MEF2C: variants seen among roughly 807,000 people sequenced by gnomAD.
MEF2C encodes the protein myocyte enhancer factor 2C, also known as myocyte-specific enhancer factor 2C.
Under a neutral mutation model 50.5 loss-of-function variants are expected in MEF2C, and 6 were observed. The ratio of observed to expected loss-of-function variants is 0.12; its 90% CI spans 0.07 to 0.23. The LOEUF (loss-of-function observed/expected upper bound fraction) is 0.23. Ranked by LOEUF, MEF2C falls within the 10% of genes least tolerant of loss-of-function variation. The probability of loss-of-function intolerance (pLI) is 1.00; values close to 1 mark genes in which losing one functional copy is unlikely to be tolerated. For synonymous variants in MEF2C, 183 were observed against 228.0 expected, an observed-to-expected ratio of 0.80 and a Z score of 1.78; for missense variants, 276 against 605.0, an observed-to-expected ratio of 0.46 and a Z score of 5.70.
intron 4 of MEF2C, among the ~76,000 whole-genome samples, chr5:88,756,721 T>G (rs1468337554): frequency 6.6e-6 from 1 of 152,184 alleles, no homozygotes; most frequent in African/African-American, 2.4e-5. Context: ...TTCTAAGAAA[T>G]TGGCATTATT....
chr5:88,728,988 A>G (rs1317559871), intron 9 of MEF2C, among the ~76,000 whole-genome samples: 3 of 152,166 alleles, frequency 2.0e-5, no homozygotes. Flanking sequence ...AATTTTCTTG[A>G]AAGTGTGTTT....
intron 6 of MEF2C, chr5:88,743,230 G>A: frequency 1.0e-6 from 1 of 982,940 alleles, no homozygotes; most frequent in Non-Finnish European, 1.2e-6. Flanking sequence ...CTTGAATATT[G>A]CAATCTTAAG....
chr5:88,740,072 AT>A (rs1489003450), intron 6 of MEF2C: 1 of 985,220 alleles, frequency 1.0e-6, no homozygotes, highest in African/African-American at 1.7e-5. Context: ...GCCAAGAACT[AT>A]TCTTGGCCAT....
intron 3 of MEF2C, among the ~76,000 whole-genome samples, chr5:88,773,574 G>A (rs531979090): frequency 5.3e-5 from 8 of 152,140 alleles, no homozygotes. Context: ...GTCTCCTGAC[G>A]ACTTTCCATC....
chr5:88,752,087 A>G (rs1427691310), intron 4 of MEF2C, 44 bp from the exon 5 acceptor site: 2 of 1,525,764 alleles, frequency 1.3e-6, no homozygotes, highest in Non-Finnish European at 8.8e-7. Flanking sequence ...AAAAGAATTA[A>G]TAACAGAAGC....
At chr5:88,856,884 T>G (rs1211600426) in intron 1 of MEF2C, among the ~76,000 whole-genome samples, 1 of 152,216 alleles carries the variant, frequency 6.6e-6, no homozygotes, top group Non-Finnish European at 1.5e-5. Flanking sequence ...GGGAAATATG[T>G]GGTCAGAGCC....
At chr5:88,818,263 G>T (rs1806492824) in intron 2 of MEF2C, among the ~76,000 whole-genome samples, 1 of 151,826 alleles carries the variant, frequency 6.6e-6, no homozygotes, top group Admixed American at 6.6e-5. Flanking sequence ...AATGAAACAA[G>T]CACCCCCAAA....
chr5:88,799,114 C>CG (rs548437221), intron 3 of MEF2C, among the ~76,000 whole-genome samples: 197 of 152,296 alleles, frequency 1.3e-3, no homozygotes, highest in African/African-American at 4.6e-3. Context: ...TCAGGAGGCA[C>CG]GGGGGGTCAG....
chr5:88,778,892 C>A (rs1215508953), intron 3 of MEF2C, among the ~76,000 whole-genome samples: 1 of 152,166 alleles, frequency 6.6e-6, no homozygotes, highest in Non-Finnish European at 1.5e-5. Flanking sequence ...TTGGTAGAAG[C>A]CTGGGGTAGG....
intron 3 of MEF2C, among the ~76,000 whole-genome samples, chr5:88,804,004 T>C (rs1156830615): frequency 6.6e-6 from 1 of 152,202 alleles, no homozygotes; most frequent in Non-Finnish European, 1.5e-5. Context: ...TGATTTCTGA[T>C]TCCATGTATA....
chr5:88,778,133 C>A (rs1785824151), intron 3 of MEF2C, among the ~76,000 whole-genome samples: 1 of 151,904 alleles, frequency 6.6e-6, no homozygotes, highest in Admixed American at 6.6e-5. Context: ...TGGTCTCGAT[C>A]TCTTGACCTT....
At chr5:88,852,686 C>T (rs1231987831) in intron 1 of MEF2C, among the ~76,000 whole-genome samples, 1 of 152,050 alleles carries the variant, frequency 6.6e-6, no homozygotes, top group Non-Finnish European at 1.5e-5. Context: ...GCCTGGCCAA[C>T]ATGGTGAAAC....
chr5:88,734,348 G>C (rs1249817175), intron 6 of MEF2C: 2 of 985,036 alleles, frequency 2.0e-6, no homozygotes, highest in Non-Finnish European at 1.2e-6. Flanking sequence ...CAAAAGAAGG[G>C]GGAGAAAAAA....
intron 1 of MEF2C, among the ~76,000 whole-genome samples, chr5:88,873,056 TACAC>T (rs149510318): frequency 1.3e-5 from 2 of 151,122 alleles, no homozygotes; most frequent in African/African-American, 4.9e-5. Flanking sequence ...CGTACACACA[TACAC>T]ACACACACAC....
chr5:88,764,576 G>A (rs1377996460), intron 3 of MEF2C, among the ~76,000 whole-genome samples: 4 of 151,586 alleles, frequency 2.6e-5, no homozygotes, highest in African/African-American at 9.7e-5. Context: ...TTGGGAGGCC[G>A]AGGCAGGCCG....
chr5:88,800,638 C>T (rs532510196), intron 3 of MEF2C, among the ~76,000 whole-genome samples: 6 of 152,226 alleles, frequency 3.9e-5, no homozygotes, highest in East Asian at 1.9e-4. Flanking sequence ...GCTAAGAGAA[C>T]GAGGAGTGGA....
intron 1 of MEF2C, among the ~76,000 whole-genome samples, chr5:88,859,669 C>CTAA (rs1045073761): frequency 6.6e-6 from 1 of 152,174 alleles, no homozygotes; most frequent in African/African-American, 2.4e-5. Context: ...TTAGATTGAT[C>CTAA]TAATTAATTG....
chr5:88,784,253 A>G (rs142320393), intron 3 of MEF2C, among the ~76,000 whole-genome samples: 4 of 152,344 alleles, frequency 2.6e-5, no homozygotes, highest in Admixed American at 6.5e-5. Context: ...CAAATCCACA[A>G]TGATTTGGAG....
chr5:88,809,390 C>T (rs1801837936), intron 2 of MEF2C, among the ~76,000 whole-genome samples: 1 of 152,096 alleles, frequency 6.6e-6, no homozygotes, highest in African/African-American at 2.4e-5. Context: ...GCATGTCAAA[C>T]ATTATGCTAA....
Sources: gnomAD v4.1 joint callset for allele counts (sites outside exome capture counted in the v4.1 genomes callset) on GRCh38, gnomAD v4.1.1 for gene constraint, MANE v1.5 for transcripts, NCBI Gene and HGNC (gene_info 2026-07-23, HGNC 2026-07-21) for gene names.